The following ITPRID2 variants were observed in gnomAD, a reference collection of about 807,000 sequenced individuals.
ITPRID2 encodes the protein protein ITPRID2.
A neutral mutation model predicts 124.3 loss-of-function variants in ITPRID2; 60 were observed. The observed-to-expected ratio is 0.48, with a 90% CI of 0.39 to 0.60. ITPRID2 has a LOEUF of 0.60. Among genes scored for constraint, ITPRID2 ranks in the 20% least tolerant of loss-of-function variants. ITPRID2 has a pLI of 0.00. For synonymous variants in ITPRID2, 521 were observed against 542.9 expected, an observed-to-expected ratio of 0.96 and a Z score of 0.56; for missense variants, 1,553 against 1,512.2, an observed-to-expected ratio of 1.03 and a Z score of -0.45.
At chr2:181,897,710 C>A (rs893842658) in intron 4 of ITPRID2, among the ~76,000 whole-genome samples, 2 of 151,500 alleles carry the variant, frequency 1.3e-5, no homozygotes, top group African/African-American at 4.8e-5. Context: ...TTAAAAAAAA[C>A]AAGGATTTTT....
In ITPRID2 at chr2:181,891,974, C is replaced by G. The variant is rs538151273; in HGVS notation, c.-93C>G. On this transcript the variant is annotated 5_prime_UTR_variant, in exon 1 of 18. Transcript: ENST00000431877. Reference sequence around the variant, plus strand: ...CGCTTCAGCTCCCCGGGGCCCCCTGCCCGGCCGGGCGCTGACAGCAAGGGC... The same window carrying G: ...CGCTTCAGCTCCCCGGGGCCCCCTGGCCGGCCGGGCGCTGACAGCAAGGGC... 385 of 1,327,204 alleles carry G rather than the reference C, an allele frequency of 2.9e-4. No individual in the cohort carries two copies. The highest frequency in any genetic ancestry group is 2.7e-4 in the Middle Eastern group (1 of 3,738). 82.2% of individuals were successfully genotyped at this position (1,327,204 alleles called of 1,614,324 possible).
intron 11 of ITPRID2, chr2:181,916,983 C>T (rs1694112075): frequency 2.0e-6 from 2 of 985,984 alleles, no homozygotes; most frequent in South Asian, 4.7e-5. Flanking sequence ...GGAACTACTC[C>T]AGACCAGAAA....
Position 181,892,640 on chromosome 2 carries a change from G to A in ITPRID2, c.237G>A (p.Ala79=), listed in dbSNP as rs1327895156. The A allele has an allele frequency of 6.2e-7, 1 of 1,614,004 alleles. No homozygotes were observed. Among genetic ancestry groups the A allele is most frequent in the Non-Finnish European group, 8.5e-7 (1 of 1,180,014 alleles). The change falls in exon 2 of 18, where the codon GCG becomes GCA. Residue 79 remains alanine (A), a synonymous_variant. Transcript: ENST00000431877. The surrounding 1 kb of genome is among the most constrained non-coding windows in gnomAD (Gnocchi z 5.2). ...GRGNVPNEKI[A]IWLKDCRTPL... is the part of the protein sequence containing the mutation. ...GAAACGTGCCCAACGAGAAGATCGC[G>A]ATATGGCTCAAGGACTGCCGGTGAG...
chr2:181,922,186 G>C lies in ITPRID2; in HGVS notation c.3449G>C (p.Arg1150Pro). 1 of 1,614,214 alleles carries C rather than the reference G, an allele frequency of 6.2e-7. No homozygotes were observed. The highest frequency in any genetic ancestry group is 2.2e-5 in the East Asian group (1 of 44,888). Reference protein sequence around the residue: ...TPLVARKKVFRASVALTPTAP... With the variant: ...TPLVARKKVFPASVALTPTAP... ...TTAGTGGCAAGGAAGAAAGTGTTCCGAGCATCGGTGGCTCTAACGCCAACA... is the reference window on the plus strand; with the variant it reads ...TTAGTGGCAAGGAAGAAAGTGTTCCCAGCATCGGTGGCTCTAACGCCAACA... The change falls in exon 16 of 18, where the codon CGA becomes CCA. Residue 1150 changes from arginine to proline, a missense_variant. Physicochemically the swap from Arg to Pro is moderately radical, Grantham distance 103. Transcript: ENST00000431877.
chr2:181,924,537 G>A (rs971580814), intron 16 of ITPRID2, among the ~76,000 whole-genome samples: 1 of 152,232 alleles, frequency 6.6e-6, no homozygotes, highest in East Asian at 1.9e-4. Context: ...TTTAATCTTG[G>A]GTTGAACAGT....
intron 12 of ITPRID2, 31 bp downstream of exon 12, chr2:181,918,706 A>C (rs749848702): frequency 2.5e-6 from 4 of 1,613,700 alleles, no homozygotes; most frequent in Non-Finnish European, 3.4e-6. Flanking sequence ...TTGTGTTCCA[A>C]AATAATTTGT....
Position 181,919,322 on chromosome 2 carries a change from T to C in ITPRID2, c.3020T>C (p.Leu1007Ser). The C allele has an allele frequency of 6.2e-7, 1 of 1,614,014 alleles. No homozygotes were observed. The highest frequency in any genetic ancestry group is 8.5e-7 in the Non-Finnish European group (1 of 1,179,886). Reference protein sequence around the residue: ...ERFEVDQLQGLRNSVRMELQD... With the variant: ...ERFEVDQLQGSRNSVRMELQD... ...TTTGAAGTTGATCAGCTCCAGGGTT[T>C]GAGAAATTCAGTCCGAATGGAACTT... Residue 1007 changes from leucine to serine, a missense_variant, in exon 14 of 18, where the codon TTG becomes TCG. Physicochemically the swap from Leu to Ser is moderately radical, Grantham distance 145 (BLOSUM62 -2). Coordinates refer to ENST00000431877, the MANE Select transcript of ITPRID2 (RefSeq NM_001130445.3). The surrounding 1 kb of genome is among the most constrained non-coding windows in gnomAD (Gnocchi z 4.2).
chr2:181,896,580 A>T lies in ITPRID2; in HGVS notation c.308-328A>T, dbSNP rs1692221222. On this transcript the variant is annotated intron_variant, in intron 3 of 17. Coordinates refer to ENST00000431877, the MANE Select transcript of ITPRID2 (RefSeq NM_001130445.3). This position sits in a 1 kb window ranked among gnomAD's most constrained non-coding sequence, Gnocchi z 4.3. ...CTCCTGACTTAATATGAGATGGATA[A>T]GAAGAATATTTGCTCCAGGATCTGG... is the stretch of plus-strand genomic sequence containing the variant. Among the ~76,000 whole-genome samples the T allele has an allele frequency of 6.6e-6, 1 of 152,028 alleles. No homozygotes were observed. Among genetic ancestry groups the T allele is most frequent in the African/African-American group, 2.4e-5 (1 of 41,458 alleles).
At chr2:181,925,144 A>G (rs1306655310) in intron 16 of ITPRID2, among the ~76,000 whole-genome samples, 1 of 152,098 alleles carries the variant, frequency 6.6e-6, no homozygotes, top group East Asian at 1.9e-4. Context: ...GTATTTTGGT[A>G]AATACACAGC....
At chr2:181,912,835 A>G (rs1693710235) in intron 9 of ITPRID2, among the ~76,000 whole-genome samples, 1 of 152,208 alleles carries the variant, frequency 6.6e-6, no homozygotes, top group South Asian at 2.1e-4. Context: ...ATTATAGATC[A>G]TACTAACCAG....
rs533620616 is a variant in ITPRID2 at position 181,896,140 on chromosome 2, G to T, written c.307+61G>T. ...TGACAGTTCTACTTCTTTGTCCTCT[G>T]GGTAAAAGTGTATATATGACTTATA... is the stretch of plus-strand genomic sequence containing the variant. On this transcript the variant is annotated intron_variant, in intron 3 of 17. Transcript: ENST00000431877. The surrounding 1 kb of genome is among the most constrained non-coding windows in gnomAD (Gnocchi z 4.3). 14 of 1,409,202 alleles carry T rather than the reference G, an allele frequency of 9.9e-6. No homozygotes were observed. The African/African-American group carries it at 1.8e-4, about 18-fold the overall frequency. 87.3% of individuals were successfully genotyped at this position (1,409,202 alleles called of 1,614,324 possible).
At chr2:181,923,823 G>T (rs1174726103) in intron 16 of ITPRID2, among the ~76,000 whole-genome samples, 1 of 151,952 alleles carries the variant, frequency 6.6e-6, no homozygotes, top group Non-Finnish European at 1.5e-5. Context: ...GAATTTTAAT[G>T]GCCTGATATG....
Position 181,929,583 on chromosome 2 carries a change from G to A in ITPRID2, c.*36G>A, listed in dbSNP as rs1695133782. On this transcript the variant is annotated 3_prime_UTR_variant, in exon 18 of 18. Transcript: ENST00000431877. ...AAGGTTGGCATGGATCCTATTAGCT[G>A]TGTAATACTGGAATTATCAATGATA... 4 of 1,612,770 alleles carry A rather than the reference G, an allele frequency of 2.5e-6. No homozygotes were observed. In the East Asian group the frequency reaches 8.9e-5, roughly 36 times the overall value.
At position 181,900,739 on chromosome 2, in the gene ITPRID2, A is replaced by G. The variant is rs759669260; in HGVS notation, c.547A>G (p.Ile183Val). Residue 183 changes from isoleucine (I) to valine (V), a missense_variant, in exon 7 of 18, where the codon ATT becomes GTT. Transcript: ENST00000431877. Reference sequence around the variant, plus strand: ...ACTTTATGAGGAAGATCCTGAAGAAATTCTTTATAATCTTGGATTTGGACG... The same window carrying G: ...ACTTTATGAGGAAGATCCTGAAGAAGTTCTTTATAATCTTGGATTTGGACG... ...LELYEEDPEE[I>V]LYNLGFGRDE... 3.1e-6 allele frequency: 5 copies of G among 1,612,222 alleles called. No individual in the cohort carries two copies. The highest frequency in any genetic ancestry group is 2.2e-5 in the East Asian group (1 of 44,774).
rs760403633 is a variant in ITPRID2, at chr2:181,916,049, T to C, written c.2409T>C (p.Ser803=). Reference sequence around the variant, plus strand: ...TAGTTAAATCGACCATTTTCATCTCTCCATCATCTGTGAAGAAAGAAGAAG... The same window carrying C: ...TAGTTAAATCGACCATTTTCATCTCCCCATCATCTGTGAAGAAAGAAGAAG... ...QSLVKSTIFI[S]PSSVKKEEAP... Residue 803 remains serine (S), a synonymous_variant, in exon 11 of 18, where the codon TCT becomes TCC. Coordinates refer to ENST00000431877, the MANE Select transcript of ITPRID2 (RefSeq NM_001130445.3). The C allele has an allele frequency of 9.3e-6, 15 of 1,614,160 alleles. No individual in the cohort carries two copies. Among genetic ancestry groups the C allele is most frequent in the Non-Finnish European group, 1.1e-5 (13 of 1,180,034 alleles).
rs769343903 is a variant in ITPRID2, at chr2:181,920,653, A to G, written c.3201A>G (p.Val1067=). The G allele has an allele frequency of 6.2e-6, 10 of 1,612,770 alleles. No individual in the cohort carries two copies. The highest frequency in any genetic ancestry group is 8.5e-6 in the Non-Finnish European group (10 of 1,179,168). ...TGTCATGCCCTTCTCCATTGAATGT[A>G]ATGGAACCAGTAAGCTTCTTTCCTC... ...DNLSCPSPLN[V]MEPVTELMQE... Residue 1067 remains valine (V), a synonymous_variant, in exon 15 of 18, where the codon GTA becomes GTG. Coordinates refer to ENST00000431877, the MANE Select transcript of ITPRID2 (RefSeq NM_001130445.3).
intron 8 of ITPRID2, 152 bp from the exon 9 acceptor site, chr2:181,909,747 A>G (rs1693452266): frequency 2.0e-6 from 1 of 500,278 alleles, no homozygotes; most frequent in East Asian, 3.4e-5. Context: ...CATTCTAATA[A>G]TTTTGAGGTC....
At chr2:181,917,190 A>T (rs1411124592) in intron 11 of ITPRID2, 1 of 173,590 alleles carries the variant, frequency 5.8e-6, no homozygotes, top group East Asian at 1.9e-4. Context: ...TAGACAATTG[A>T]GGGATTGAAG....
At position 181,916,775 on chromosome 2, in the gene ITPRID2, T is replaced by C. The variant is rs185803286; in HGVS notation, c.2787+348T>C. ...TCTATTATTAAAAAATCTTCCCTCTTAAAGTTCTTTCTCTCTTTCTCTCTG... is the reference window on the plus strand; with the variant it reads ...TCTATTATTAAAAAATCTTCCCTCTCAAAGTTCTTTCTCTCTTTCTCTCTG... On this transcript the variant is annotated intron_variant, in intron 11 of 17. Coordinates refer to ENST00000431877, the MANE Select transcript of ITPRID2 (RefSeq NM_001130445.3). 3.8e-3 allele frequency: 3,634 copies of C among 955,348 alleles called. 20 individuals carry two copies. Among genetic ancestry groups the C allele is most frequent in the South Asian group, 0.021 (496 of 23,080 alleles). 59.2% of individuals were successfully genotyped at this position (955,348 alleles called of 1,614,324 possible). A position where few individuals can be genotyped will look rare whatever the true frequency, so the allele number is the denominator to read the frequency against.
Sources: allele counts gnomAD v4.1 joint callset (sites outside exome capture counted in the v4.1 genomes callset), GRCh38; gene constraint gnomAD v4.1.1; non-coding constraint Gnocchi (gnomAD v3.1); transcripts MANE v1.5; gene names NCBI Gene and HGNC (gene_info 2026-07-23, HGNC 2026-07-21).